The following SHANK2 variants were observed in gnomAD, a reference collection of about 807,000 sequenced individuals.
The protein encoded by SHANK2 is SH3 and multiple ankyrin repeat domains 2, also known as SH3 and multiple ankyrin repeat domains protein 2.
SHANK2 carries 43 observed loss-of-function variants against 133.7 expected under a neutral mutation model. The ratio of observed to expected loss-of-function variants is 0.32; its 90% CI spans 0.25 to 0.41. The LOEUF (loss-of-function observed/expected upper bound fraction) is 0.41, where lower values mean the gene tolerates loss of function less well. Among genes scored for constraint, SHANK2 ranks in the 10% least tolerant of loss-of-function variants. The pLI is 1.00. For synonymous variants in SHANK2, 1,017 were observed against 952.8 expected (o/e 1.07, Z -1.24); for missense variants, 1,994 against 2,235.8 (o/e 0.89, Z 2.18).
chr11:70,722,169 C>T (rs1555029354), intron 14 of SHANK2, among the ~76,000 whole-genome samples: 1 of 152,252 alleles, frequency 6.6e-6, no homozygotes, highest in Non-Finnish European at 1.5e-5. Context: ...CCCATTCCTG[C>T]CCTTCAGTGC....
chr11:71,085,758 A>G (rs1320914569), intron 8 of SHANK2, among the ~76,000 whole-genome samples: 6 of 77,656 alleles, frequency 7.7e-5, no homozygotes, highest in African/African-American at 1.1e-4. Flanking sequence ...ATATTATGTT[A>G]TATAATATAT....
chr11:71,129,426 A>G (rs1177286953), intron 3 of SHANK2, among the ~76,000 whole-genome samples: 1 of 152,206 alleles, frequency 6.6e-6, no homozygotes, highest in Non-Finnish European at 1.5e-5. Flanking sequence ...GTCAAGCTCA[A>G]ATCAAAACCA....
intron 14 of SHANK2, among the ~76,000 whole-genome samples, chr11:70,793,495 A>T (rs1555048480): frequency 6.6e-6 from 1 of 152,226 alleles, no homozygotes; most frequent in Non-Finnish European, 1.5e-5. Context: ...ACTCCTACAA[A>T]CCAATAAGGA....
intron 8 of SHANK2, among the ~76,000 whole-genome samples, chr11:71,079,229 G>A (rs1039260740): frequency 2.2e-4 from 34 of 152,234 alleles, no homozygotes; most frequent in African/African-American, 5.8e-4. Context: ...CAAAATGACC[G>A]CCCCAAAATC....
chr11:70,621,859 A>C (rs2060833573), intron 17 of SHANK2, among the ~76,000 whole-genome samples: 1 of 152,170 alleles, frequency 6.6e-6, no homozygotes, highest in Non-Finnish European at 1.5e-5. Context: ...GAGGTGATCA[A>C]GTGTGACTGA....
chr11:70,913,953 T>A (rs1950231418), intron 10 of SHANK2, among the ~76,000 whole-genome samples: 1 of 152,250 alleles, frequency 6.6e-6, no homozygotes, highest in Non-Finnish European at 1.5e-5. Flanking sequence ...GCAGCTGGCA[T>A]CAGGGTGTTC....
intron 21 of SHANK2, among the ~76,000 whole-genome samples, chr11:70,493,520 C>T (rs1378694488): frequency 6.6e-6 from 1 of 150,796 alleles, no homozygotes; most frequent in Admixed American, 6.6e-5. Flanking sequence ...TCTCCTGACG[C>T]CTTAGCTTCA....
intron 1 of SHANK2, among the ~76,000 whole-genome samples, chr11:71,225,994 C>T (rs554544825): frequency 7.9e-5 from 12 of 152,222 alleles, no homozygotes; most frequent in Middle Eastern, 3.4e-3. Context: ...TGGTGGTGGG[C>T]ACCTGTAATC....
At chr11:70,621,844 T>C (rs2060833246) in intron 17 of SHANK2, among the ~76,000 whole-genome samples, 1 of 152,154 alleles carries the variant, frequency 6.6e-6, no homozygotes, top group Admixed American at 6.5e-5. Context: ...GAGGGCTTAA[T>C]GGCAGAGGTG....
At chr11:71,213,863 G>A (rs946286546) in intron 2 of SHANK2, among the ~76,000 whole-genome samples, 22 of 152,214 alleles carry the variant, frequency 1.4e-4, no homozygotes, top group Non-Finnish European at 2.8e-4. Flanking sequence ...GACACTGGGA[G>A]AGACCGCCCC....
intron 10 of SHANK2, among the ~76,000 whole-genome samples, chr11:70,934,716 G>A (rs1340299020): frequency 1.3e-5 from 2 of 152,212 alleles, no homozygotes; most frequent in African/African-American, 4.8e-5. Flanking sequence ...TATTGATTAT[G>A]ATATAGAAGA....
intron 2 of SHANK2, among the ~76,000 whole-genome samples, chr11:71,214,519 C>T (rs1555119380): frequency 6.6e-6 from 1 of 152,208 alleles, no homozygotes; most frequent in Admixed American, 6.5e-5. Context: ...AACGACCTTC[C>T]CTAACCACAC....
rs1029323599 is a variant in SHANK2, at chr11:71,077,155, A to T, written c.913-1880T>A. On this transcript the variant is annotated intron_variant, in intron 8 of 25. Transcript: ENST00000601538. ...CCCTCACCCAGTCGTTTGCATTGGG[A>T]TTTGTGTTCCTTGAACTGAAGGATC... Among the ~76,000 whole-genome samples, 70 of 150,976 alleles carry T rather than the reference A, an allele frequency of 4.6e-4. 1 individual carries two copies. In the East Asian group the frequency reaches 0.013, roughly 27 times the overall value.
intron 1 of SHANK2, among the ~76,000 whole-genome samples, chr11:71,232,494 C>T (rs972271810): frequency 6.6e-6 from 1 of 152,080 alleles, no homozygotes; most frequent in Non-Finnish European, 1.5e-5. Context: ...CCACCTCTGC[C>T]GCCTCTGAGA....
intron 14 of SHANK2, among the ~76,000 whole-genome samples, chr11:70,704,478 G>A (rs1555024478): frequency 2.0e-5 from 3 of 152,200 alleles, no homozygotes; most frequent in Non-Finnish European, 2.9e-5. Context: ...TGCATATGTG[G>A]GTGTGGTCTA....
At chr11:71,144,172 T>C (rs1204230959) in intron 3 of SHANK2, among the ~76,000 whole-genome samples, 35 of 151,998 alleles carry the variant, frequency 2.3e-4, no homozygotes, top group African/African-American at 7.5e-4. Context: ...AACAAGTCAC[T>C]GTCCACACCC....
At chr11:70,658,624 G>A (rs188466058) in intron 17 of SHANK2, among the ~76,000 whole-genome samples, 9 of 152,294 alleles carry the variant, frequency 5.9e-5, no homozygotes, top group African/African-American at 1.7e-4. Flanking sequence ...CTCTCCAATA[G>A]TCTCTTCCCT....
chr11:71,118,651 G>T (rs1472494362), intron 4 of SHANK2, among the ~76,000 whole-genome samples, 178 bp downstream of exon 4: 1 of 152,144 alleles, frequency 6.6e-6, no homozygotes, highest in Non-Finnish European at 1.5e-5. Context: ...TGAGATTTCG[G>T]TGGGGACACA....
At chr11:70,707,974 G>A (rs1555025320) in intron 14 of SHANK2, among the ~76,000 whole-genome samples, 1 of 152,168 alleles carries the variant, frequency 6.6e-6, no homozygotes, top group Non-Finnish European at 1.5e-5. Flanking sequence ...GAGTAGATGT[G>A]GACAGTCTGC....
Sources: gnomAD v4.1 joint callset for allele counts (sites outside exome capture counted in the v4.1 genomes callset) on GRCh38, gnomAD v4.1.1 for gene constraint, MANE v1.5 for transcripts, NCBI Gene and HGNC (gene_info 2026-07-23, HGNC 2026-07-21) for gene names.